STPG2: variants seen among roughly 807,000 people sequenced by gnomAD.
STPG2 encodes sperm-tail PG-rich repeat-containing protein 2.
A neutral mutation model predicts 54.2 loss-of-function variants in STPG2; 56 were observed. The ratio of observed to expected loss-of-function variants is 1.03; its 90% CI spans 0.83 to 1.29. The LOEUF is 1.29. Ranked by LOEUF, STPG2 falls within the 50% of genes most tolerant of loss-of-function variation. The probability of loss-of-function intolerance (pLI) is 0.00; values close to 1 mark genes in which losing one functional copy is unlikely to be tolerated. For missense variants in STPG2, 596 were observed against 544.9 expected (o/e 1.09, Z -0.93); for synonymous variants, 200 against 181.8 (o/e 1.10, Z -0.81).
intron 7 of STPG2, among the ~76,000 whole-genome samples, chr4:97,965,398 A>C (rs976749434): frequency 2.0e-5 from 3 of 152,194 alleles, no homozygotes; most frequent in Non-Finnish European, 4.4e-5. Context: ...TATAGACTCC[A>C]CTTTGGTGGG....
At chr4:97,753,663 C>T (rs893352784) in intron 9 of STPG2, among the ~76,000 whole-genome samples, 1 of 151,982 alleles carries the variant, frequency 6.6e-6, no homozygotes. Context: ...GTTTCAACTT[C>T]TTTACCTCCT....
intron 10 of STPG2, among the ~76,000 whole-genome samples, chr4:97,592,976 C>CCTCTAA (rs1225952475): frequency 6.6e-6 from 1 of 152,074 alleles, no homozygotes; most frequent in African/African-American, 2.4e-5. Context: ...ACATCATGCT[C>CCTCTAA]CTCTAAGAGA....
intron 5 of STPG2, among the ~76,000 whole-genome samples, chr4:98,071,662 C>T (rs778531752): frequency 2.6e-5 from 4 of 151,980 alleles, no homozygotes; most frequent in Non-Finnish European, 5.9e-5. Context: ...TGCAATATAT[C>T]GATCTGACAA....
chr4:98,098,580 A>G (rs1433937664), intron 5 of STPG2, among the ~76,000 whole-genome samples: 1 of 152,194 alleles, frequency 6.6e-6, no homozygotes, highest in East Asian at 1.9e-4. Context: ...TTCCTGAATG[A>G]TACCCCACAA....
At chr4:97,644,207 G>T (rs1229043988) in intron 10 of STPG2, among the ~76,000 whole-genome samples, 2 of 151,676 alleles carry the variant, frequency 1.3e-5, no homozygotes, top group South Asian at 4.1e-4. Context: ...TTTAAGAGAA[G>T]TACCTGAGTG....
intron 8 of STPG2, among the ~76,000 whole-genome samples, chr4:97,882,140 T>C (rs1435459011): frequency 6.6e-6 from 1 of 152,110 alleles, no homozygotes; most frequent in African/African-American, 2.4e-5. Context: ...AGTGGGTTGC[T>C]TAAGATTAAG....
chr4:97,618,930 G>C (rs1301717428), intron 10 of STPG2, among the ~76,000 whole-genome samples: 2 of 152,142 alleles, frequency 1.3e-5, no homozygotes, highest in African/African-American at 2.4e-5. Flanking sequence ...ATACATATGA[G>C]AGATACATAA....
intron 8 of STPG2, among the ~76,000 whole-genome samples, chr4:97,937,512 A>C (rs982758782): frequency 4.6e-5 from 7 of 151,636 alleles, no homozygotes; most frequent in African/African-American, 1.7e-4. Flanking sequence ...CATCTTCGTG[A>C]GTTTGTCTAG....
intron 10 of STPG2, among the ~76,000 whole-genome samples, chr4:97,639,009 G>T (rs1445685527): frequency 6.6e-6 from 1 of 151,852 alleles, no homozygotes; most frequent in Non-Finnish European, 1.5e-5. Flanking sequence ...ATACCCAAAG[G>T]ACTATAAATC....
intron 8 of STPG2, among the ~76,000 whole-genome samples, chr4:97,907,587 T>G (rs980741096): frequency 5.3e-5 from 8 of 152,034 alleles, no homozygotes; most frequent in African/African-American, 1.9e-4. Context: ...AGAACAAAGC[T>G]GGAGGCATCA....
At chr4:97,448,715 T>A (rs1560612662) in intron 4 of STPG2, among the ~76,000 whole-genome samples, 1 of 152,302 alleles carries the variant, frequency 6.6e-6, no homozygotes, top group East Asian at 1.9e-4. Flanking sequence ...TTTATATCAG[T>A]GTGAGAACGA....
chr4:97,886,640 C>A (rs1463507992), intron 8 of STPG2, among the ~76,000 whole-genome samples: 1 of 152,160 alleles, frequency 6.6e-6, no homozygotes, highest in Non-Finnish European at 1.5e-5. Context: ...CTTTTTTCTA[C>A]TCTTCACGTC....
At chr4:97,693,194 C>T (rs1403025311) in intron 10 of STPG2, among the ~76,000 whole-genome samples, 3 of 150,398 alleles carry the variant, frequency 2.0e-5, no homozygotes, top group African/African-American at 7.3e-5. Context: ...TAGAATAGTA[C>T]CTCACATGTC....
At chr4:97,447,344 T>A (rs1056533945) in intron 4 of STPG2, among the ~76,000 whole-genome samples, 2 of 152,216 alleles carry the variant, frequency 1.3e-5, no homozygotes, top group East Asian at 3.9e-4. Flanking sequence ...ATTCAAGCCA[T>A]CTGCAGAAAT....
In STPG2 at chr4:97,581,973, T is replaced by A. The variant is rs1304812115; in HGVS notation, c.1321-22856A>T. 1.5e-4 allele frequency among the ~76,000 whole-genome samples: 23 copies of A among 152,040 alleles called. No individual in the cohort carries two copies. The Admixed American group carries it at 1.5e-3, about 10-fold the overall frequency. ...AATGGGAAAAAAATTATTCCACTTA[T>A]TCTGTTCCGAGTTTATAATTATTTC... On this transcript the variant is annotated intron_variant, in intron 10 of 10. Coordinates refer to ENST00000295268, the MANE Select transcript of STPG2 (RefSeq NM_174952.3).
chr4:97,455,218 G>A (rs564433199), intron 4 of STPG2, among the ~76,000 whole-genome samples: 1 of 152,278 alleles, frequency 6.6e-6, no homozygotes, highest in East Asian at 1.9e-4. Flanking sequence ...CAGGAGTGGG[G>A]CAGGGAAGTG....
At chr4:97,944,423 AT>A (rs1733121158) in intron 7 of STPG2, among the ~76,000 whole-genome samples, 1 of 151,934 alleles carries the variant, frequency 6.6e-6, no homozygotes, top group Non-Finnish European at 1.5e-5. Context: ...GGGTTAATAT[AT>A]TTTCTAAGCA....
chr4:97,871,880 GC>G (rs1364815393), intron 8 of STPG2, among the ~76,000 whole-genome samples: 1 of 150,866 alleles, frequency 6.6e-6, no homozygotes, highest in Non-Finnish European at 1.5e-5. Context: ...TGAAAATGAT[GC>G]AAAAATACTA....
At chr4:97,990,878 T>C (rs1330671698) in intron 5 of STPG2, among the ~76,000 whole-genome samples, 1 of 152,194 alleles carries the variant, frequency 6.6e-6, no homozygotes, top group Non-Finnish European at 1.5e-5. Context: ...CAGTTTAAAC[T>C]TTATTCCTAT....
Sources: allele counts gnomAD v4.1 joint callset (sites outside exome capture counted in the v4.1 genomes callset), GRCh38; gene constraint gnomAD v4.1.1; transcripts MANE v1.5; gene names NCBI Gene and HGNC (gene_info 2026-07-23, HGNC 2026-07-21).